The following KLF12 variants were observed in gnomAD, a reference collection of about 807,000 sequenced individuals.
The protein encoded by KLF12 is KLF transcription factor 12.
KLF12 carries 9 observed loss-of-function variants against 37.8 expected under a neutral mutation model. The observed-to-expected ratio is 0.24, with a 90% CI of 0.14 to 0.42. The LOEUF is 0.42. Ranked by LOEUF, KLF12 falls within the 10% of genes least tolerant of loss-of-function variation. KLF12 has a pLI of 1.00. For synonymous variants in KLF12, 208 were observed against 202.1 expected (o/e 1.03, Z -0.25); for missense variants, 411 against 516.0 (o/e 0.80, Z 1.97).
intron 3 of KLF12, among the ~76,000 whole-genome samples, chr13:73,884,557 A>G (rs1331092872): frequency 6.6e-6 from 1 of 152,236 alleles, no homozygotes; most frequent in Admixed American, 6.5e-5. Flanking sequence ...CTGTCAGGAC[A>G]GAGGAGGATG....
At chr13:74,230,438 T>C in the KLF12 span, among the ~76,000 whole-genome samples, 7 of 152,170 alleles carry the variant, frequency 4.6e-5, no homozygotes, top group Non-Finnish European at 8.8e-5. Context: ...AGATTAAGCA[T>C]GGCAGACACA....
intron 4 of KLF12, among the ~76,000 whole-genome samples, chr13:73,816,776 T>C (rs1470902725): frequency 6.6e-6 from 1 of 152,168 alleles, no homozygotes; most frequent in Non-Finnish European, 1.5e-5. Context: ...TTTCCCCTTT[T>C]CCCTTGCTCT....
intron 5 of KLF12, among the ~76,000 whole-genome samples, chr13:73,809,116 A>C (rs191072972): frequency 1.3e-5 from 2 of 152,296 alleles, no homozygotes; most frequent in African/African-American, 4.8e-5. Flanking sequence ...AAAACTTCTG[A>C]TTTTATCACC....
intron 5 of KLF12, among the ~76,000 whole-genome samples, chr13:73,809,859 T>C (rs1192914316): frequency 1.3e-5 from 2 of 152,198 alleles, no homozygotes; most frequent in East Asian, 1.9e-4. Flanking sequence ...AACACTGACA[T>C]GTAATGAATC....
chr13:74,065,223 CAT>C (rs1491432268), intron 1 of KLF12, among the ~76,000 whole-genome samples: 20 of 151,108 alleles, frequency 1.3e-4, no homozygotes, highest in African/African-American at 4.9e-4. Flanking sequence ...CACACACACA[CAT>C]GTATATATAT....
intron 3 of KLF12, among the ~76,000 whole-genome samples, chr13:73,921,907 C>A (rs1325825845): frequency 6.6e-6 from 1 of 152,108 alleles, no homozygotes; most frequent in Non-Finnish European, 1.5e-5. Context: ...TATTATCACA[C>A]CTAGAGATTA....
chr13:74,303,439 C>T, the KLF12 span, among the ~76,000 whole-genome samples: 6 of 152,238 alleles, frequency 3.9e-5, no homozygotes, highest in African/African-American at 1.4e-4. Context: ...TCTTTGTATA[C>T]CTGTCATTCT....
At chr13:73,735,749 TGTAA>T (rs1877402593) in intron 6 of KLF12, among the ~76,000 whole-genome samples, 1 of 152,180 alleles carries the variant, frequency 6.6e-6, no homozygotes, top group African/African-American at 2.4e-5. Flanking sequence ...CTATTTGCTA[TGTAA>T]GTATTATGTA....
chr13:74,290,176 A>C, the KLF12 span, among the ~76,000 whole-genome samples: 1 of 152,208 alleles, frequency 6.6e-6, no homozygotes, highest in Non-Finnish European at 1.5e-5. Context: ...TCAAATGGCC[A>C]ATTGGAGGGA....
At chr13:73,742,603 C>A (rs1252487192) in intron 6 of KLF12, among the ~76,000 whole-genome samples, 1 of 152,164 alleles carries the variant, frequency 6.6e-6, no homozygotes, top group Non-Finnish European at 1.5e-5. Flanking sequence ...TCCCAAATCT[C>A]ATGTCCTTCT....
the KLF12 span, among the ~76,000 whole-genome samples, chr13:74,230,885 T>C: frequency 1.3e-5 from 2 of 152,226 alleles, no homozygotes; most frequent in Non-Finnish European, 2.9e-5. Flanking sequence ...TAACCCTCTG[T>C]TGATCTCCTA....
intron 5 of KLF12, among the ~76,000 whole-genome samples, chr13:73,794,028 T>C (rs1881828922): frequency 1.3e-5 from 2 of 152,202 alleles, no homozygotes; most frequent in South Asian, 2.1e-4. Flanking sequence ...AAACTCCTTG[T>C]TTTCTGGTTG....
the KLF12 span, among the ~76,000 whole-genome samples, chr13:74,207,080 T>C: frequency 6.6e-6 from 1 of 152,154 alleles, no homozygotes; most frequent in Admixed American, 6.5e-5. Flanking sequence ...TTATGTCATC[T>C]CATAGTGGAA....
intron 5 of KLF12, among the ~76,000 whole-genome samples, chr13:73,771,447 G>A (rs73216719): frequency 0.035 from 5,356 of 152,184 alleles, 149 homozygotes; most frequent in Non-Finnish European, 0.057. Flanking sequence ...ATAACACATT[G>A]TTCACATATA....
At chr13:73,951,136 A>G (rs1044443672) in intron 2 of KLF12, among the ~76,000 whole-genome samples, 2 of 152,244 alleles carry the variant, frequency 1.3e-5, no homozygotes, top group East Asian at 1.9e-4. Flanking sequence ...ACAAATTATG[A>G]TAACAGTTAT....
chr13:74,070,216 G>A (rs17220832), intron 1 of KLF12, among the ~76,000 whole-genome samples: 13,195 of 152,286 alleles, frequency 0.087, 759 homozygotes, highest in Non-Finnish European at 0.13. Context: ...AATGACATGA[G>A]AGCCAAGAGA....
the KLF12 span, among the ~76,000 whole-genome samples, chr13:74,178,988 A>G: frequency 6.6e-6 from 1 of 152,376 alleles, no homozygotes; most frequent in Admixed American, 6.5e-5. Flanking sequence ...GAAAAGAGTT[A>G]TAGACACTAT....
the KLF12 span, among the ~76,000 whole-genome samples, chr13:74,254,273 A>G: frequency 6.6e-6 from 1 of 152,224 alleles, no homozygotes; most frequent in South Asian, 2.1e-4. Context: ...ACAGGCCATG[A>G]GACAGAAAAT....
chr13:74,133,297 G>A (rs1414056229), intron 1 of KLF12, among the ~76,000 whole-genome samples: 9 of 151,956 alleles, frequency 5.9e-5, no homozygotes, highest in Admixed American at 3.3e-4. Context: ...GAGGCCGGGG[G>A]GCCAACTACT....
Sources: gnomAD v4.1 joint callset for allele counts (sites outside exome capture counted in the v4.1 genomes callset) on GRCh38, gnomAD v4.1.1 for gene constraint, MANE v1.5 for transcripts, NCBI Gene and HGNC (gene_info 2026-07-23, HGNC 2026-07-21) for gene names.